PRPSAP1: variants seen among roughly 807,000 people sequenced by gnomAD.
The protein encoded by PRPSAP1 is phosphoribosyl pyrophosphate synthase-associated protein 1.
Under a neutral mutation model 39.4 loss-of-function variants are expected in PRPSAP1, and 31 were observed. The ratio of observed to expected loss-of-function variants is 0.79; its 90% CI spans 0.59 to 1.06. The LOEUF is 1.06. Among genes scored for constraint, PRPSAP1 ranks in the 50% least tolerant of loss-of-function variants. PRPSAP1 has a pLI of 0.00. For missense variants in PRPSAP1, 430 were observed against 511.6 expected (o/e 0.84, Z 1.54); for synonymous variants, 212 against 192.6 (o/e 1.10, Z -0.83).
rs1032327494 is a variant in PRPSAP1, at chr17:76,328,787, G to T, written c.711C>A (p.Asp237Glu). The T allele has an allele frequency of 5.0e-6, 8 of 1,614,020 alleles. No homozygotes were observed. The African/African-American group carries it at 1.1e-4, about 22-fold the overall frequency. ...IHGEAQCTEL[D>E]MDDGRHSPPM... ...GCGGGGAGTGACGACCATCGTCCAT[G>T]TCCAGTTCCGTGCACTGAGCTTCCC... The change falls in exon 7 of 10, where the codon GAC becomes GAA. Residue 237 changes from aspartate (D) to glutamate (E), a missense_variant. Asp to Glu is a conservative substitution (Grantham distance 45). Transcript: ENST00000446526.
chr17:76,350,576 T>A (rs1380565990), intron 1 of PRPSAP1, among the ~76,000 whole-genome samples: 1 of 152,120 alleles, frequency 6.6e-6, no homozygotes, highest in Non-Finnish European at 1.5e-5. Context: ...AGGCAATTCA[T>A]AGAGACAAAG....
At chr17:76,320,591 A>ATTT (rs34656314) in intron 7 of PRPSAP1, among the ~76,000 whole-genome samples, 132 of 139,172 alleles carry the variant, frequency 9.5e-4, no homozygotes, top group Middle Eastern at 7.8e-3. Context: ...CGTCCAGCTA[A>ATTT]TTTTTTTTTT....
intron 7 of PRPSAP1, among the ~76,000 whole-genome samples, chr17:76,320,709 C>A (rs2071187343): frequency 6.6e-6 from 1 of 150,584 alleles, no homozygotes; most frequent in Admixed American, 6.6e-5. Flanking sequence ...TGCTAGATTA[C>A]CAGATAATAA....
At chr17:76,344,507 C>G (rs113913108) in intron 3 of PRPSAP1, among the ~76,000 whole-genome samples, 164 bp downstream of exon 3, 1 of 152,118 alleles carries the variant, frequency 6.6e-6, no homozygotes, top group Admixed American at 6.6e-5. Flanking sequence ...CCTCGTGATC[C>G]GCCCACCTCG....
At chr17:76,340,723 A>T (rs1220989365) in intron 3 of PRPSAP1, among the ~76,000 whole-genome samples, 1 of 151,910 alleles carries the variant, frequency 6.6e-6, no homozygotes, top group Admixed American at 6.6e-5. Flanking sequence ...AAACCCCGTC[A>T]CTACTAAAAA....
intron 1 of PRPSAP1, among the ~76,000 whole-genome samples, chr17:76,352,685 G>GAAA (rs1219060557): frequency 1.5e-5 from 2 of 131,770 alleles, no homozygotes; most frequent in Non-Finnish European, 3.3e-5. Context: ...AAAAGAAAAA[G>GAAA]AAAAGAGGCC....
intron 3 of PRPSAP1, among the ~76,000 whole-genome samples, chr17:76,342,936 C>T (rs1351348572): frequency 2.0e-5 from 3 of 151,820 alleles, no homozygotes; most frequent in African/African-American, 7.3e-5. Flanking sequence ...AAAAATTACC[C>T]GGGCATGGTG....
At chr17:76,328,925 CATT>C (rs2071285715) in intron 6 of PRPSAP1, 63 bp from the exon 7 acceptor site, 3 of 1,501,458 alleles carry the variant, frequency 2.0e-6, no homozygotes, top group Non-Finnish European at 2.7e-6. Context: ...ACTACGGCAT[CATT>C]TTTTAACCAT....
intron 3 of PRPSAP1, among the ~76,000 whole-genome samples, chr17:76,341,538 G>A (rs1305401518): frequency 6.6e-6 from 1 of 152,084 alleles, no homozygotes; most frequent in African/African-American, 2.4e-5. Context: ...CACTGTACCT[G>A]GCCAACAAGA....
In PRPSAP1 at chr17:76,332,137, C is replaced by T. The variant is rs116071644; in HGVS notation, c.463+126G>A. The T allele has an allele frequency of 1.0e-3, 1,253 of 1,224,146 alleles. 7 individuals carry two copies. In the African/African-American group the frequency reaches 0.015, roughly 14 times the overall value. The allele number at this position is 1,224,146 out of a possible 1,614,324, so 75.8% of individuals were successfully genotyped here. ...CTAACCGAGCTCACATATCCTTAGCCAAAACTGTTCAAAAGGAAACAAACA... is the reference window on the plus strand; with the variant it reads ...CTAACCGAGCTCACATATCCTTAGCTAAAACTGTTCAAAAGGAAACAAACA... On this transcript the variant is annotated intron_variant, in intron 4 of 9. Transcript: ENST00000446526.
intron 3 of PRPSAP1, among the ~76,000 whole-genome samples, chr17:76,334,450 T>C (rs1326604834): frequency 6.6e-6 from 1 of 152,208 alleles, no homozygotes; most frequent in Non-Finnish European, 1.5e-5. Context: ...CCTTCCAGTC[T>C]CTTCCAATTT....
chr17:76,344,818 T>C, intron 2 of PRPSAP1, 81 bp from the exon 3 acceptor site: 1 of 1,105,812 alleles, frequency 9.0e-7, no homozygotes, highest in Non-Finnish European at 1.3e-6. Flanking sequence ...AAGTACTTCA[T>C]GCCGGGCGCG....
rs71161289 is a variant in PRPSAP1 at position 76,347,484 on chromosome 17, CAAAA to C, written c.223+1041_223+1044del. On this transcript the variant is annotated intron_variant, in intron 2 of 9. Transcript: ENST00000446526. ...CCTGGGTGACAGAGCAAGACTCCGT[CAAAA>C]AAAAAAAAAAAAAAAAAAAAAAAAG... Among the ~76,000 whole-genome samples, 25 of 25,214 alleles carry C rather than the reference CAAAA, an allele frequency of 9.9e-4. 1 individual carries two copies. The East Asian group carries it at 0.01, about 10-fold the overall frequency. The allele number at this position is 25,214 out of a possible 152,430, so 16.5% of individuals were successfully genotyped here. A position where few individuals can be genotyped will look rare whatever the true frequency, so the allele number is the denominator to read the frequency against.
rs543016356 is a variant in PRPSAP1 at position 76,323,118 on chromosome 17, G to C, written c.781+5599C>G. Reference sequence around the variant, plus strand: ...GCACTTTGGGAGGCTGAAGCACGCAGATCACCTGAGGTCAGGAGTTTGAGA... The same window carrying C: ...GCACTTTGGGAGGCTGAAGCACGCACATCACCTGAGGTCAGGAGTTTGAGA... On this transcript the variant is annotated intron_variant, in intron 7 of 9. Coordinates refer to ENST00000446526, the MANE Select transcript of PRPSAP1 (RefSeq NM_002766.3). Among the ~76,000 whole-genome samples, 14 of 139,590 alleles carry C rather than the reference G, an allele frequency of 1.0e-4. No individual in the cohort carries two copies. The South Asian group carries it at 3.1e-3, about 30-fold the overall frequency. The allele number at this position is 139,590 out of a possible 152,430, so 91.6% of individuals were successfully genotyped here.
In PRPSAP1 at chr17:76,353,544, G is replaced by A; in HGVS notation, c.160C>T (p.Arg54Cys). Residue 54 changes from arginine (R) to cysteine (C), a missense_variant, in exon 1 of 10, where the codon CGC becomes TGC. By Grantham distance (180) the Arg-to-Cys change is radical (BLOSUM62 -3). Transcript: ENST00000446526. The stretch of plus-strand genomic sequence containing the variant: ...CCACCGCCCCCTTACTCTGTGATGC[G>A]CTTGGCCAGCTCCGTGCAGGCGGCC... ...STAACTELAKRITERLGAELG... is the reference protein window; with the variant it reads ...STAACTELAKCITERLGAELG... 1.3e-6 allele frequency: 2 copies of A among 1,536,430 alleles called. No homozygotes were observed. The highest frequency in any genetic ancestry group is 1.7e-6 in the Non-Finnish European group (2 of 1,146,408).
chr17:76,330,368 T>C lies in PRPSAP1; in HGVS notation c.579+183A>G, dbSNP rs1057180328. The stretch of plus-strand genomic sequence containing the variant: ...TAAAGATACGTAGAAAAAAAATCTG[T>C]TTTTAGTGTCTTTTAAAGCTATGAT... On this transcript the variant is annotated intron_variant, in intron 5 of 9. Transcript: ENST00000446526. 6.6e-6 allele frequency: 4 copies of C among 608,288 alleles called. No homozygotes were observed. In the East Asian group the frequency reaches 8.5e-5, roughly 13 times the overall value. The allele number at this position is 608,288 out of a possible 1,614,324, so 37.7% of individuals were successfully genotyped here.
At chr17:76,328,522 T>C (rs749573767) in intron 7 of PRPSAP1, among the ~76,000 whole-genome samples, 195 bp downstream of exon 7, 2 of 152,052 alleles carry the variant, frequency 1.3e-5, no homozygotes, top group Admixed American at 6.6e-5. Flanking sequence ...GGCAGGAGAA[T>C]TGCTTGAACC....
rs757051107 is a variant in PRPSAP1, at chr17:76,312,868, A to G, written c.999+2T>C. 8.1e-6 allele frequency: 13 copies of G among 1,604,620 alleles called. No individual in the cohort carries two copies. In the Admixed American group the frequency reaches 1.9e-4, roughly 24 times the overall value. ...TGGCTCAAGATTTAGAAGCAGCCTGACCTCGTCTACGGAGGACTCCTCAAT... is the reference window on the plus strand; with the variant it reads ...TGGCTCAAGATTTAGAAGCAGCCTGGCCTCGTCTACGGAGGACTCCTCAAT... On this transcript the variant is annotated splice_donor_variant, in intron 9 of 9. Coordinates refer to ENST00000446526, the MANE Select transcript of PRPSAP1 (RefSeq NM_002766.3). LOFTEE classifies it high-confidence loss of function.
intron 6 of PRPSAP1, 131 bp from the exon 7 acceptor site, chr17:76,328,993 G>A (rs2071286516): frequency 2.8e-6 from 3 of 1,084,452 alleles, no homozygotes; most frequent in African/African-American, 3.2e-5. Context: ...TTATATAAAT[G>A]AGAATGTGAG....
Sources: gnomAD v4.1 joint callset for allele counts (sites outside exome capture counted in the v4.1 genomes callset) on GRCh38, gnomAD v4.1.1 for gene constraint, MANE v1.5 for transcripts, NCBI Gene and HGNC (gene_info 2026-07-23, HGNC 2026-07-21) for gene names.